Variants in ST6GALNAC5 observed in about 807,000 individuals in gnomAD.
ST6GALNAC5 encodes the protein alpha-N-acetylgalactosaminide alpha-2,6-sialyltransferase 5.
ST6GALNAC5 carries 27 observed loss-of-function variants against 33.6 expected under a neutral mutation model. The observed-to-expected ratio is 0.80, with a 90% confidence interval of 0.59 to 1.11. The LOEUF is 1.11. Among genes scored for constraint, ST6GALNAC5 ranks in the 50% least tolerant of loss-of-function variants. ST6GALNAC5 has a pLI of 0.00. For missense variants in ST6GALNAC5, 428 were observed against 454.0 expected (o/e 0.94, Z 0.52); for synonymous variants, 194 against 171.2 (o/e 1.13, Z -1.04).
intron 2 of ST6GALNAC5, among the ~76,000 whole-genome samples, chr1:76,986,191 G>T (rs2859913): frequency 1.1e-4 from 17 of 151,990 alleles, no homozygotes; most frequent in African/African-American, 4.1e-4. Context: ...AAGAGCTTCC[G>T]CACAGCAAAA....
chr1:76,878,867 T>G (rs994936509), intron 2 of ST6GALNAC5, among the ~76,000 whole-genome samples: 1 of 152,166 alleles, frequency 6.6e-6, no homozygotes, highest in Non-Finnish European at 1.5e-5. Flanking sequence ...GAGCTCTACA[T>G]GAGTCAGGCT....
chr1:77,056,539 C>T (rs1321887663), intron 4 of ST6GALNAC5, among the ~76,000 whole-genome samples: 1 of 152,134 alleles, frequency 6.6e-6, no homozygotes, highest in Non-Finnish European at 1.5e-5. Flanking sequence ...TCAAAGGTAT[C>T]ATGAATATCA....
intron 2 of ST6GALNAC5, among the ~76,000 whole-genome samples, chr1:77,041,828 T>C (rs575791454): frequency 6.6e-6 from 1 of 152,348 alleles, no homozygotes; most frequent in South Asian, 2.1e-4. Flanking sequence ...TGGTAGAAGA[T>C]TCTTGTCACT....
At position 77,064,469 on chromosome 1, in the gene ST6GALNAC5, C is replaced by A. The variant is rs1171354455; in HGVS notation, c.*1263C>A. On this transcript the variant is annotated 3_prime_UTR_variant, in exon 5 of 5. Transcript: ENST00000477717. ...ATAGCTCCAAGGGGTTCCCTGGCTA[C>A]AATAGCAAACAGCTGCCCTTCTGTG... 6.6e-6 allele frequency: 1 copy of A among 152,010 alleles called. No individual in the cohort carries two copies. The highest frequency in any genetic ancestry group is 1.5e-5 in the Non-Finnish European group (1 of 68,074). 9.4% of individuals were successfully genotyped at this position (152,010 alleles called of 1,614,324 possible).
chr1:76,981,168 G>A (rs1317605878), intron 2 of ST6GALNAC5, among the ~76,000 whole-genome samples: 4 of 152,178 alleles, frequency 2.6e-5, no homozygotes, highest in South Asian at 2.1e-4. Flanking sequence ...CAGAGAGGGC[G>A]AGCTGAAGCA....
At chr1:76,942,218 A>G (rs1045030423) in intron 2 of ST6GALNAC5, among the ~76,000 whole-genome samples, 1 of 152,132 alleles carries the variant, frequency 6.6e-6, no homozygotes, top group Non-Finnish European at 1.5e-5. Context: ...TCTAACCTGT[A>G]ACATAAGAAC....
In ST6GALNAC5 at chr1:76,867,663, AG is replaced by A; in HGVS notation, c.-12del. On this transcript the variant is annotated 5_prime_UTR_variant, in exon 1 of 5. Coordinates refer to ENST00000477717, the MANE Select transcript of ST6GALNAC5 (RefSeq NM_030965.3). ...CGCGAGCCTGAGGATTCTGCACAAA[AG>A]AGGTGCCCAAAATGAAGACCCTGAT... The A allele has an allele frequency of 1.2e-6, 2 of 1,614,160 alleles. No individual in the cohort carries two copies. The highest frequency in any genetic ancestry group is 1.7e-6 in the Non-Finnish European group (2 of 1,180,022).
chr1:76,874,238 A>G (rs764492465), intron 2 of ST6GALNAC5, among the ~76,000 whole-genome samples: 7 of 152,200 alleles, frequency 4.6e-5, no homozygotes, highest in Non-Finnish European at 1.0e-4. Context: ...AGCAACTTCA[A>G]AGTGGCTTGA....
chr1:77,038,811 GA>G (rs1270570451), intron 2 of ST6GALNAC5, among the ~76,000 whole-genome samples: 1 of 152,198 alleles, frequency 6.6e-6, no homozygotes, highest in Non-Finnish European at 1.5e-5. Flanking sequence ...TAGTTGTGAT[GA>G]AAGTTGTCAT....
intron 2 of ST6GALNAC5, among the ~76,000 whole-genome samples, chr1:76,955,695 C>T (rs1047978782): frequency 5.9e-5 from 9 of 152,152 alleles, no homozygotes; most frequent in African/African-American, 2.2e-4. Flanking sequence ...ACATTAAATA[C>T]ACATCCAGAC....
Position 76,867,589 on chromosome 1 carries a change from G to T in ST6GALNAC5, c.-87G>T. 6.2e-7 allele frequency: 1 copy of T among 1,606,774 alleles called. No individual in the cohort carries two copies. Among genetic ancestry groups the T allele is most frequent in the Non-Finnish European group, 8.5e-7 (1 of 1,173,540 alleles). On this transcript the variant is annotated 5_prime_UTR_variant, in exon 1 of 5. Transcript: ENST00000477717. ...CTGGGCAAAAATCAGAGCCGCCTCC[G>T]CCCCATTACCCATCATGGAAACCCT...
intron 3 of ST6GALNAC5, among the ~76,000 whole-genome samples, chr1:77,045,448 A>G (rs1651976311): frequency 6.6e-6 from 1 of 152,232 alleles, no homozygotes; most frequent in Non-Finnish European, 1.5e-5. Context: ...TGGTTGCACA[A>G]TCCTGTGAAT....
At chr1:77,036,762 G>A (rs1395109757) in intron 2 of ST6GALNAC5, among the ~76,000 whole-genome samples, 1 of 152,358 alleles carries the variant, frequency 6.6e-6, no homozygotes, top group South Asian at 2.1e-4. Flanking sequence ...TATGTGCTGG[G>A]CACTGTCCTT....
intron 3 of ST6GALNAC5, 110 bp downstream of exon 3, chr1:77,044,723 C>A: frequency 7.5e-7 from 1 of 1,326,086 alleles, no homozygotes; most frequent in Non-Finnish European, 1.0e-6. Flanking sequence ...GGCTCCACTG[C>A]TCATGTCATT....
intron 4 of ST6GALNAC5, among the ~76,000 whole-genome samples, chr1:77,056,935 G>C (rs1652418242): frequency 6.6e-6 from 1 of 152,100 alleles, no homozygotes; most frequent in South Asian, 2.1e-4. Flanking sequence ...AATAAGGGTG[G>C]CTCAGGGCAC....
intron 2 of ST6GALNAC5, among the ~76,000 whole-genome samples, chr1:77,010,164 G>A (rs1650579313): frequency 1.3e-5 from 2 of 152,134 alleles, no homozygotes; most frequent in South Asian, 4.1e-4. Flanking sequence ...ATCAATAAGT[G>A]TTAACTCAGT....
chr1:77,059,342 C>T (rs1652499825), intron 4 of ST6GALNAC5, among the ~76,000 whole-genome samples: 1 of 152,198 alleles, frequency 6.6e-6, no homozygotes, highest in African/African-American at 2.4e-5. Flanking sequence ...TCTCTAAATC[C>T]ATGGCCGTTC....
intron 2 of ST6GALNAC5, among the ~76,000 whole-genome samples, chr1:76,872,218 G>A (rs147729739): frequency 3.9e-5 from 6 of 152,132 alleles, no homozygotes; most frequent in South Asian, 2.1e-4. Flanking sequence ...TCTGGATCTC[G>A]TCTGGGTAGA....
chr1:77,011,335 G>A (rs906436922), intron 2 of ST6GALNAC5, among the ~76,000 whole-genome samples: 4 of 152,198 alleles, frequency 2.6e-5, no homozygotes, highest in African/African-American at 9.7e-5. Context: ...GAGAATTGGG[G>A]ATTTAAAAAT....
Sources: gnomAD v4.1 joint callset for allele counts (sites outside exome capture counted in the v4.1 genomes callset) on GRCh38, gnomAD v4.1.1 for gene constraint, MANE v1.5 for transcripts, NCBI Gene and HGNC (gene_info 2026-07-23, HGNC 2026-07-21) for gene names.